TEX2: variants seen among roughly 807,000 people sequenced by gnomAD.
TEX2 encodes testis expressed 2.
Under a neutral mutation model 106.9 loss-of-function variants are expected in TEX2, and 53 were observed. That is an observed-to-expected ratio of 0.50 (90% CI 0.40 to 0.62). The LOEUF (loss-of-function observed/expected upper bound fraction) is 0.62. Among genes scored for constraint, TEX2 ranks in the 20% least tolerant of loss-of-function variants. The pLI is 0.00. For synonymous variants in TEX2, 523 were observed against 534.8 expected (o/e 0.98, Z 0.30); for missense variants, 1,207 against 1,379.0 (o/e 0.88, Z 1.98).
chr17:64,171,026 C>G (rs12941171), intron 7 of TEX2, 74 bp downstream of exon 7: 145,675 of 1,232,328 alleles, frequency 0.12, 12,300 homozygotes, highest in African/African-American at 0.41. Flanking sequence ...CCTCCAAACA[C>G]AAAGCCATCA....
intron 1 of TEX2, chr17:64,230,522 T>C (rs1286711029): frequency 6.6e-6 from 1 of 152,272 alleles, no homozygotes; most frequent in African/African-American, 2.4e-5. Context: ...TTGTGGATCA[T>C]GCCAAGAAAG....
At chr17:64,197,579 T>G (rs8068412) in intron 2 of TEX2, among the ~76,000 whole-genome samples, 116,557 of 151,870 alleles carry the variant, frequency 0.77, 45,195 homozygotes, top group Middle Eastern at 0.85. Flanking sequence ...ATGTATTTGA[T>G]ACAGGGTCTT....
intron 11 of TEX2, chr17:64,149,909 C>T (rs1468347555): frequency 7.5e-6 from 1 of 132,736 alleles, no homozygotes; most frequent in Non-Finnish European, 1.5e-5. Flanking sequence ...CACAGCAAGA[C>T]TCTGTCTTAA....
chr17:64,175,283 G>A (rs73992998), intron 6 of TEX2, among the ~76,000 whole-genome samples: 2,218 of 152,286 alleles, frequency 0.015, 56 homozygotes, highest in African/African-American at 0.051. Context: ...GGAGGCGGGT[G>A]GAGGGTATGG....
At chr17:64,170,037 T>G (rs1349308500) in intron 7 of TEX2, among the ~76,000 whole-genome samples, 1 of 152,218 alleles carries the variant, frequency 6.6e-6, no homozygotes, top group Non-Finnish European at 1.5e-5. Context: ...TCAAGATCCT[T>G]TTAAAACCGT....
Position 64,148,868 on chromosome 17 carries a change from GTAGC to G in TEX2, c.*97_*100del. The G allele has an allele frequency of 6.9e-7, 1 of 1,456,508 alleles. No individual in the cohort carries two copies. The highest frequency in any genetic ancestry group is 9.4e-7 in the Non-Finnish European group (1 of 1,067,250). The allele number at this position is 1,456,508 out of a possible 1,614,324, so 90.2% of individuals were successfully genotyped here. On this transcript the variant is annotated 3_prime_UTR_variant, in exon 12 of 12. Coordinates refer to ENST00000584379, the MANE Select transcript of TEX2 (RefSeq NM_001288732.2). Reference sequence around the variant, plus strand: ...GGCAGAAGCAGTCCTTTAAGAAACAGTAGCTGTGGCACAGAGGCCAGTGCTACAG... The same window carrying G: ...GGCAGAAGCAGTCCTTTAAGAAACAGTGTGGCACAGAGGCCAGTGCTACAG...
intron 1 of TEX2, among the ~76,000 whole-genome samples, chr17:64,259,983 T>A (rs1273948995): frequency 6.6e-6 from 1 of 152,216 alleles, no homozygotes; most frequent in Non-Finnish European, 1.5e-5. Context: ...ATTTTCCCAC[T>A]TTACAAAGAA....
At chr17:64,262,344 A>G (rs2034303662) in intron 1 of TEX2, among the ~76,000 whole-genome samples, 1 of 152,232 alleles carries the variant, frequency 6.6e-6, no homozygotes, top group African/African-American at 2.4e-5. Context: ...TAACCATAAC[A>G]ACCGATGGTT....
At chr17:64,210,634 C>CTT (rs58313195) in intron 2 of TEX2, among the ~76,000 whole-genome samples, 37 of 74,750 alleles carry the variant, frequency 4.9e-4, no homozygotes, top group East Asian at 1.2e-3. Flanking sequence ...CAACCCCCAG[C>CTT]TTTTTTTTTT....
chr17:64,214,835 G>T (rs565716909), intron 1 of TEX2, among the ~76,000 whole-genome samples: 2 of 152,320 alleles, frequency 1.3e-5, no homozygotes, highest in South Asian at 4.1e-4. Context: ...TGGTCTGTTG[G>T]CCTCCTCAAA....
intron 1 of TEX2, 98 bp from the exon 2 acceptor site, chr17:64,214,340 G>T: frequency 9.8e-7 from 1 of 1,017,344 alleles, no homozygotes; most frequent in East Asian, 2.5e-5. Context: ...TGTTTAAGTG[G>T]TGATTATGCT....
At chr17:64,236,156 A>G (rs781843365) in intron 1 of TEX2, among the ~76,000 whole-genome samples, 2 of 152,118 alleles carry the variant, frequency 1.3e-5, no homozygotes, top group Non-Finnish European at 2.9e-5. Flanking sequence ...GATCGAAAAT[A>G]TTCGGGGAAA....
At chr17:64,181,707 G>C (rs946679553) in intron 5 of TEX2, among the ~76,000 whole-genome samples, 1 of 151,790 alleles carries the variant, frequency 6.6e-6, no homozygotes, top group African/African-American at 2.4e-5. Flanking sequence ...GTACAGACGG[G>C]GCTTCTCCAT....
At chr17:64,210,036 G>A (rs1555631269) in intron 2 of TEX2, among the ~76,000 whole-genome samples, 1 of 152,174 alleles carries the variant, frequency 6.6e-6, no homozygotes, top group African/African-American at 2.4e-5. Flanking sequence ...ATCTTCCTAA[G>A]ACAAGTCAGT....
chr17:64,208,749 T>G (rs1281933794), intron 2 of TEX2, among the ~76,000 whole-genome samples: 2 of 152,026 alleles, frequency 1.3e-5, no homozygotes, highest in Non-Finnish European at 1.5e-5. Flanking sequence ...CTCACCCTCC[T>G]GAGTAGCTGG....
At chr17:64,201,263 C>T (rs1406961689) in intron 2 of TEX2, among the ~76,000 whole-genome samples, 2 of 152,144 alleles carry the variant, frequency 1.3e-5, no homozygotes, top group East Asian at 3.8e-4. Flanking sequence ...TAAAAGGGTC[C>T]AGGTGGCTTA....
At chr17:64,196,102 A>C (rs891259731) in intron 2 of TEX2, among the ~76,000 whole-genome samples, 1 of 152,250 alleles carries the variant, frequency 6.6e-6, no homozygotes, top group Non-Finnish European at 1.5e-5. Flanking sequence ...TTTGAGTCTC[A>C]CACTAAAGTC....
At position 64,188,208 on chromosome 17, in the gene TEX2, G is replaced by A. The variant is rs200257391; in HGVS notation, c.2384C>T (p.Pro795Leu). Reference protein sequence around the residue: ...PQESRSPQRSPLQSAESSPTA... With the variant: ...PQESRSPQRSLLQSAESSPTA... ...GGGGCTGCTCTCCGCACTCTGCAGG[G>A]GGCTCCTCTGGGGGCTTCGGCTTTC... The change falls in exon 5 of 12, where the codon CCC (proline) becomes CTC (leucine). Residue 795 changes from proline to leucine, a missense_variant. Pro to Leu is a moderately conservative substitution (Grantham distance 98, BLOSUM62 -3). Transcript: ENST00000584379. 4.3e-6 allele frequency: 7 copies of A among 1,612,092 alleles called. No individual in the cohort carries two copies. Among genetic ancestry groups the A allele is most frequent in the Admixed American group, 3.3e-5 (2 of 59,990 alleles).
chr17:64,161,978 C>A (rs2030908620), intron 7 of TEX2, among the ~76,000 whole-genome samples: 1 of 152,158 alleles, frequency 6.6e-6, no homozygotes, highest in Admixed American at 6.5e-5. Context: ...ACGGCCACCA[C>A]CTCAGATAAA....
Sources: gnomAD v4.1 joint callset for allele counts (sites outside exome capture counted in the v4.1 genomes callset) on GRCh38, gnomAD v4.1.1 for gene constraint, MANE v1.5 for transcripts, NCBI Gene and HGNC (gene_info 2026-07-23, HGNC 2026-07-21) for gene names.